AHI1: variants seen among roughly 807,000 people sequenced by gnomAD.
AHI1 encodes the protein Abelson helper integration site 1.
AHI1 carries 123 observed loss-of-function variants against 149.3 expected under a neutral mutation model. That is an observed-to-expected ratio of 0.82 (90% CI 0.71 to 0.96). AHI1 has a LOEUF of 0.96. Among genes scored for constraint, AHI1 ranks in the 40% least tolerant of loss-of-function variants. The probability of loss-of-function intolerance (pLI) is 0.00; values close to 1 mark genes in which losing one functional copy is unlikely to be tolerated. For synonymous variants in AHI1, 475 were observed against 459.8 expected (o/e 1.03, Z -0.42); for missense variants, 1,439 against 1,422.7 (o/e 1.01, Z -0.18).
At chr6:135,363,051 T>C (rs1305391768) in intron 23 of AHI1, among the ~76,000 whole-genome samples, 1 of 149,986 alleles carries the variant, frequency 6.7e-6, no homozygotes, top group African/African-American at 2.4e-5. Flanking sequence ...TTTATTATTA[T>C]TATTATTATT....
At chr6:135,480,104 T>C (rs1441806747) in intron 5 of AHI1, among the ~76,000 whole-genome samples, 1 of 152,226 alleles carries the variant, frequency 6.6e-6, no homozygotes, top group Non-Finnish European at 1.5e-5. Flanking sequence ...GTTAGCTCTT[T>C]ATAGCAGTGA....
At chr6:135,432,388 T>C (rs560047553) in intron 16 of AHI1, among the ~76,000 whole-genome samples, 1 of 152,342 alleles carries the variant, frequency 6.6e-6, no homozygotes, top group Non-Finnish European at 1.5e-5. Flanking sequence ...AGTCTCACTC[T>C]GTCGCCCAGG....
At position 135,383,990 on chromosome 6, in the gene AHI1, A is replaced by G. The variant is rs147966711; in HGVS notation, c.3109+10786T>C. ...GTTTCCTTTACCCTAGAGGCAAAGC[A>G]GTGAGTTGCAAAACATTTACTACTT... is the stretch of plus-strand genomic sequence containing the variant. On this transcript the variant is annotated intron_variant, in intron 23 of 28. Transcript: ENST00000265602. Among the ~76,000 whole-genome samples the G allele has an allele frequency of 2.0e-3, 309 of 152,364 alleles. 1 individual carries two copies. Among genetic ancestry groups the G allele is most frequent in the African/African-American group, 7.1e-3 (296 of 41,594 alleles).
At chr6:135,486,554 C>G (rs1794506208) in intron 5 of AHI1, among the ~76,000 whole-genome samples, 1 of 151,922 alleles carries the variant, frequency 6.6e-6, no homozygotes, top group Non-Finnish European at 1.5e-5. Context: ...ATAGGTTATT[C>G]TTTTAACAAG....
chr6:135,430,273 A>T (rs1486217992), intron 17 of AHI1, among the ~76,000 whole-genome samples: 1 of 151,958 alleles, frequency 6.6e-6, no homozygotes, highest in Non-Finnish European at 1.5e-5. Flanking sequence ...GTCAGTCCCA[A>T]ACAAGAAGTA....
intron 24 of AHI1, among the ~76,000 whole-genome samples, chr6:135,338,402 G>T (rs1245985979): frequency 1.3e-5 from 2 of 151,960 alleles, no homozygotes; most frequent in Middle Eastern, 3.4e-3. Context: ...AATGTAGACA[G>T]TTGATTAGGG....
Position 135,433,140 on chromosome 6 carries a change from T to C in AHI1, c.2153A>G (p.Tyr718Cys). 9 of 1,613,310 alleles carry C rather than the reference T, an allele frequency of 5.6e-6. No individual in the cohort carries two copies. Among genetic ancestry groups the C allele is most frequent in the Non-Finnish European group, 7.6e-6 (9 of 1,179,320 alleles). ...TTTCCATATCCGTATCATGGAATCA[T>C]AGCATCCTGTAACTACTAGCTCTCT... is the stretch of plus-strand genomic sequence containing the variant. ...AVRELVVTGC[Y>C]DSMIRIWKVE... The change falls in exon 16 of 29, where the codon TAT becomes TGT. Residue 718 changes from tyrosine (Y) to cysteine (C), a missense_variant. Coordinates refer to ENST00000265602, the MANE Select transcript of AHI1 (RefSeq NM_001134831.2).
chr6:135,302,803 T>C, intron 26 of AHI1: 2 of 1,289,038 alleles, frequency 1.6e-6, no homozygotes, highest in Non-Finnish European at 2.0e-6. Context: ...TGTGAGCTGT[T>C]TTGTTTTATT....
At chr6:135,487,649 T>C (rs1794671071) in intron 5 of AHI1, among the ~76,000 whole-genome samples, 1 of 152,314 alleles carries the variant, frequency 6.6e-6, no homozygotes, top group African/African-American at 2.4e-5. Context: ...TACCCATTAC[T>C]CCAAGCATTT....
chr6:135,456,245 A>G (rs1014493503), intron 9 of AHI1, among the ~76,000 whole-genome samples: 3 of 152,208 alleles, frequency 2.0e-5, no homozygotes, highest in African/African-American at 7.2e-5. Flanking sequence ...AAGAGTTTAT[A>G]ATAAAATAGA....
At chr6:135,486,873 T>C (rs934544876) in intron 5 of AHI1, among the ~76,000 whole-genome samples, 2 of 152,074 alleles carry the variant, frequency 1.3e-5, no homozygotes, top group African/African-American at 4.8e-5. Flanking sequence ...GCTCAAGCAA[T>C]CCTCCCACCT....
In AHI1 at chr6:135,411,410, C is replaced by A; in HGVS notation, c.2899G>T (p.Val967Phe). 6.2e-7 allele frequency: 1 copy of A among 1,613,760 alleles called. No homozygotes were observed. The highest frequency in any genetic ancestry group is 1.3e-5 in the African/African-American group (1 of 74,998). Residue 967 changes from valine (V) to phenylalanine (F), a missense_variant, in exon 21 of 29, where the codon GTC (valine) becomes TTC (phenylalanine). Transcript: ENST00000265602. Reference sequence around the variant, plus strand: ...TTCGTTGAAGAACTTTCAGTGTGGACAAATTCATCAATCTGAAAAGAGCCT... The same window carrying A: ...TTCGTTGAAGAACTTTCAGTGTGGAAAAATTCATCAATCTGAAAAGAGCCT... ...HQGSFQIDEF[V>F]HTESSSTKMQ...
chr6:135,471,875 G>T (rs917968550), intron 5 of AHI1, among the ~76,000 whole-genome samples: 1 of 151,464 alleles, frequency 6.6e-6, no homozygotes, highest in Non-Finnish European at 1.5e-5. Context: ...AGCCGGGCGC[G>T]GTGGCGGGCA....
intron 23 of AHI1, among the ~76,000 whole-genome samples, chr6:135,373,458 G>A (rs1039994322): frequency 9.9e-5 from 15 of 152,038 alleles, no homozygotes; most frequent in Admixed American, 4.6e-4. Context: ...AAAATGTATC[G>A]CCACTGTTAA....
chr6:135,426,355 T>C (rs540351248), intron 20 of AHI1, among the ~76,000 whole-genome samples: 37 of 151,864 alleles, frequency 2.4e-4, no homozygotes, highest in African/African-American at 8.9e-4. Flanking sequence ...TAATTTACCC[T>C]GGAAGGCATA....
Position 135,490,645 on chromosome 6 carries a change from A to G in AHI1, c.113T>C (p.Val38Ala), listed in dbSNP as rs1361550727. Reference sequence around the variant, plus strand: ...TACTGAGATGTTTTCTTCAGACCTGACAAGTTTTTTCTTCAGTTTTTTCTT... The same window carrying G: ...TACTGAGATGTTTTCTTCAGACCTGGCAAGTTTTTTCTTCAGTTTTTTCTT... ...REKKKLKKKLVRSEENISPDT... is the reference protein window; with the variant it reads ...REKKKLKKKLARSEENISPDT... Residue 38 changes from valine (V) to alanine (A), a missense_variant, in exon 5 of 29, where the codon GTC becomes GCC. Physicochemically the swap from Val to Ala is moderately conservative, Grantham distance 64. Transcript: ENST00000265602. The G allele has an allele frequency of 3.1e-6, 5 of 1,613,662 alleles. No individual in the cohort carries two copies. In the African/African-American group the frequency reaches 5.3e-5, roughly 17 times the overall value.
chr6:135,376,116 G>A (rs1425454298), intron 23 of AHI1, among the ~76,000 whole-genome samples: 2 of 152,020 alleles, frequency 1.3e-5, no homozygotes, highest in African/African-American at 2.4e-5. Context: ...GGGGCGCAGT[G>A]GTGGGGGCAA....
chr6:135,449,196 A>G (rs756565239), intron 11 of AHI1, among the ~76,000 whole-genome samples: 3 of 151,968 alleles, frequency 2.0e-5, no homozygotes, highest in Non-Finnish European at 2.9e-5. Flanking sequence ...TTACAGGTGC[A>G]TGCCACCACA....
chr6:135,384,322 C>T (rs1462838545), intron 23 of AHI1, among the ~76,000 whole-genome samples: 1 of 152,114 alleles, frequency 6.6e-6, no homozygotes, highest in Admixed American at 6.5e-5. Context: ...ATTCCTATTG[C>T]ACTGTAAGAC....
Sources: allele counts gnomAD v4.1 joint callset (sites outside exome capture counted in the v4.1 genomes callset), GRCh38; gene constraint gnomAD v4.1.1; transcripts MANE v1.5; gene names NCBI Gene and HGNC (gene_info 2026-07-23, HGNC 2026-07-21).